Variants in UVRAG observed in about 807,000 individuals in gnomAD.
The protein encoded by UVRAG is UV radiation resistance-associated gene protein.
In UVRAG, 19 loss-of-function variants were observed where a neutral mutation model predicts 78.0. That is an observed-to-expected ratio of 0.24 (90% confidence interval 0.17 to 0.36). The LOEUF (loss-of-function observed/expected upper bound fraction) is 0.36. Ranked by LOEUF, UVRAG falls within the 10% of genes least tolerant of loss-of-function variation. The probability of loss-of-function intolerance (pLI) is 1.00; values close to 1 mark genes in which losing one functional copy is unlikely to be tolerated. For synonymous variants in UVRAG, 323 were observed against 324.6 expected, an observed-to-expected ratio of 1.00 and a Z score of 0.05; for missense variants, 740 against 853.8, an observed-to-expected ratio of 0.87 and a Z score of 1.66.
chr11:76,005,703 G>C (rs150941957), intron 9 of UVRAG, among the ~76,000 whole-genome samples: 1 of 152,352 alleles, frequency 6.6e-6, no homozygotes, highest in East Asian at 1.9e-4. Context: ...GCAAGCCCCA[G>C]GTTGTGACCT....
At chr11:75,998,505 A>T (rs1030252024) in intron 8 of UVRAG, among the ~76,000 whole-genome samples, 1 of 152,174 alleles carries the variant, frequency 6.6e-6, no homozygotes, top group Non-Finnish European at 1.5e-5. Flanking sequence ...CTACCCTGAG[A>T]ATAAAGAAAA....
chr11:75,838,636 G>A (rs973742875), intron 1 of UVRAG, among the ~76,000 whole-genome samples: 5 of 152,048 alleles, frequency 3.3e-5, no homozygotes, highest in African/African-American at 1.2e-4. Flanking sequence ...TACAGGTATG[G>A]GCCACCGTAC....
chr11:76,121,966 A>G (rs189930795), intron 14 of UVRAG, among the ~76,000 whole-genome samples: 17 of 151,962 alleles, frequency 1.1e-4, no homozygotes, highest in African/African-American at 3.1e-4. Flanking sequence ...ACCACGTCTT[A>G]CTCATCTCTG....
intron 6 of UVRAG, among the ~76,000 whole-genome samples, chr11:75,929,008 T>A (rs1189524868): frequency 8.0e-5 from 11 of 138,286 alleles, no homozygotes. Context: ...ACTGGTGACA[T>A]ATATAAGAGC....
chr11:76,032,775 C>T (rs969103284), intron 12 of UVRAG, among the ~76,000 whole-genome samples: 12 of 152,168 alleles, frequency 7.9e-5, no homozygotes, highest in East Asian at 5.8e-4. Flanking sequence ...TAATGAAACA[C>T]GTACACTGGC....
intron 4 of UVRAG, among the ~76,000 whole-genome samples, chr11:75,887,535 C>T (rs1947109511): frequency 6.7e-6 from 1 of 150,138 alleles, no homozygotes; most frequent in African/African-American, 2.5e-5. Flanking sequence ...GCAAGCTCTG[C>T]CTCCCGGGTT....
chr11:76,090,909 C>T (rs1240083869), intron 13 of UVRAG, among the ~76,000 whole-genome samples: 1 of 152,192 alleles, frequency 6.6e-6, no homozygotes, highest in Admixed American at 6.5e-5. Flanking sequence ...TTTTCTATGG[C>T]TTTACCATAA....
chr11:75,904,894 G>C (rs544973946), intron 5 of UVRAG, among the ~76,000 whole-genome samples: 1 of 152,216 alleles, frequency 6.6e-6, no homozygotes, highest in East Asian at 1.9e-4. Flanking sequence ...ATTAGTAGTA[G>C]TTGCATCTCA....
At chr11:76,124,027 G>C (rs1050755901) in intron 14 of UVRAG, among the ~76,000 whole-genome samples, 8 of 151,830 alleles carry the variant, frequency 5.3e-5, no homozygotes, top group Non-Finnish European at 7.4e-5. Context: ...GCCTCCCAAA[G>C]TGCTGGGATT....
intron 12 of UVRAG, among the ~76,000 whole-genome samples, chr11:76,018,959 G>A (rs1280620595): frequency 6.6e-6 from 1 of 152,106 alleles, no homozygotes; most frequent in Non-Finnish European, 1.5e-5. Context: ...TTTAAGGCCA[G>A]TAACTCTTAG....
At chr11:76,123,431 A>ACGTGGGTCGGGTGAGTAGC (rs1319543362) in intron 14 of UVRAG, among the ~76,000 whole-genome samples, 1 of 152,216 alleles carries the variant, frequency 6.6e-6, no homozygotes, top group East Asian at 1.9e-4. Flanking sequence ...AGAAGGAAGC[A>ACGTGGGTCGGGTGAGTAGC]CGTGGGTCGG....
rs772109936 is a variant in UVRAG at position 76,124,011 on chromosome 11, G to A, written c.1397+7996G>A. ...GAACTCCTGACCTCGTGATCCACCCGCCTCGGCCTCCCAAAGTGCTGGGAT... is the reference window on the plus strand; with the variant it reads ...GAACTCCTGACCTCGTGATCCACCCACCTCGGCCTCCCAAAGTGCTGGGAT... On this transcript the variant is annotated intron_variant, in intron 14 of 14. Transcript: ENST00000356136. Among the ~76,000 whole-genome samples, 7 of 152,074 alleles carry A rather than the reference G, an allele frequency of 4.6e-5. No individual in the cohort carries two copies. In the East Asian group the frequency reaches 5.8e-4, roughly 13 times the overall value.
In UVRAG at chr11:76,065,655, G is replaced by C. The variant is rs562301032; in HGVS notation, c.1227-55G>C. The C allele has an allele frequency of 6.2e-5, 94 of 1,523,320 alleles. No homozygotes were observed. The South Asian group carries it at 9.9e-4, about 16-fold the overall frequency. 94.4% of individuals were successfully genotyped at this position (1,523,320 alleles called of 1,614,324 possible). A position where few individuals can be genotyped will look rare whatever the true frequency, so the allele number is the denominator to read the frequency against. ...AACTTCAGCCTCTGTTGACAACTTGGAGGTTGTATTTACTCAGCTTTTGAA... is the reference window on the plus strand; with the variant it reads ...AACTTCAGCCTCTGTTGACAACTTGCAGGTTGTATTTACTCAGCTTTTGAA... On this transcript the variant is annotated intron_variant, in intron 12 of 14. Transcript: ENST00000356136.
intron 1 of UVRAG, among the ~76,000 whole-genome samples, chr11:75,842,582 C>T (rs1189968749): frequency 6.6e-6 from 1 of 151,982 alleles, no homozygotes; most frequent in Non-Finnish European, 1.5e-5. Context: ...CTTGGGATTA[C>T]AGGCGCCCGC....
At position 76,127,665 on chromosome 11, in the gene UVRAG, GAATC is replaced by G. The variant is rs1393136001; in HGVS notation, c.1397+11654_1397+11657del. ...AAAAAAAAAAAATGAATGAATGAATGAATCAATGAGGCCTGGCGTGGTAGCTCAC... is the reference window on the plus strand; with the variant it reads ...AAAAAAAAAAAATGAATGAATGAATGAATGAGGCCTGGCGTGGTAGCTCAC... On this transcript the variant is annotated intron_variant, in intron 14 of 14. Transcript: ENST00000356136. Among the ~76,000 whole-genome samples, 1,148 of 147,318 alleles carry G rather than the reference GAATC, an allele frequency of 7.8e-3. 17 individuals carry two copies. Among genetic ancestry groups the G allele is most frequent in the African/African-American group, 0.028 (1,081 of 39,270 alleles).
intron 6 of UVRAG, among the ~76,000 whole-genome samples, chr11:75,960,656 A>C (rs1431928184): frequency 6.6e-6 from 1 of 152,002 alleles, no homozygotes; most frequent in Non-Finnish European, 1.5e-5. Context: ...AGTCCCAGCT[A>C]TTTGGGGGCC....
intron 5 of UVRAG, among the ~76,000 whole-genome samples, chr11:75,891,784 C>T (rs143317188): frequency 1.3e-5 from 2 of 152,108 alleles, no homozygotes; most frequent in Admixed American, 1.3e-4. Flanking sequence ...TGTGGTGACA[C>T]GTGTCTGTAG....
chr11:76,052,564 C>T (rs188574920), intron 12 of UVRAG, among the ~76,000 whole-genome samples: 7 of 152,300 alleles, frequency 4.6e-5, no homozygotes, highest in Admixed American at 1.3e-4. Flanking sequence ...ATATTATCAG[C>T]GCTACCTACC....
At chr11:75,966,831 C>G (rs1949033357) in intron 7 of UVRAG, among the ~76,000 whole-genome samples, 1 of 152,138 alleles carries the variant, frequency 6.6e-6, no homozygotes, top group East Asian at 1.9e-4. Context: ...CAGTGTAGTT[C>G]TTTTACTCTT....
Sources: allele counts gnomAD v4.1 joint callset (sites outside exome capture counted in the v4.1 genomes callset), GRCh38; gene constraint gnomAD v4.1.1; transcripts MANE v1.5; gene names NCBI Gene and HGNC (gene_info 2026-07-23, HGNC 2026-07-21).